DSCAM: variants seen among roughly 807,000 people sequenced by gnomAD.
DSCAM encodes cell adhesion molecule DSCAM.
Under a neutral mutation model 217.7 loss-of-function variants are expected in DSCAM, and 47 were observed. The ratio of observed to expected loss-of-function variants is 0.22; its 90% confidence interval spans 0.17 to 0.28. The LOEUF (loss-of-function observed/expected upper bound fraction) is 0.28, where lower values mean the gene tolerates loss of function less well. Ranked by LOEUF, DSCAM falls within the 10% of genes least tolerant of loss-of-function variation. The pLI is 1.00. For synonymous variants in DSCAM, 1,056 were observed against 1,015.3 expected, an observed-to-expected ratio of 1.04 and a Z score of -0.76; for missense variants, 2,080 against 2,618.3, an observed-to-expected ratio of 0.79 and a Z score of 4.49.
intron 4 of DSCAM, among the ~76,000 whole-genome samples, chr21:40,368,400 T>A (rs144819346): frequency 1.3e-5 from 2 of 152,218 alleles, no homozygotes; most frequent in African/African-American, 2.4e-5. Flanking sequence ...AAAGAACAGA[T>A]AAAGAAACAA....
Position 40,657,324 on chromosome 21 carries a change from A to G in DSCAM, c.508+35486T>C, listed in dbSNP as rs117952049. On this transcript the variant is annotated intron_variant, in intron 3 of 32. Transcript: ENST00000400454. ...TTACTTTTGAGCTGACACAAGGAAT[A>G]TATCAATAATTAGCCCTTAAGATGC... 9.2e-4 allele frequency among the ~76,000 whole-genome samples: 140 copies of G among 152,320 alleles called. 1 individual carries two copies. The East Asian group carries it at 0.025, about 27-fold the overall frequency.
Position 40,142,691 on chromosome 21 carries a change from G to A in DSCAM, c.3273C>T (p.Pro1091=). ...TTTLEDVPSY[P]PENVQAIATS... ...TTGCTATGGCTTGGACATTTTCGGG[G>A]GGGTAACTGGGCACTGAAATCAAAT... Residue 1091 remains proline (P), a synonymous_variant, in exon 18 of 33, where the codon CCC becomes CCT. Coordinates refer to ENST00000400454, the MANE Select transcript of DSCAM (RefSeq NM_001389.5). 3 of 1,613,870 alleles carry A rather than the reference G, an allele frequency of 1.9e-6. No individual in the cohort carries two copies. Among genetic ancestry groups the A allele is most frequent in the Non-Finnish European group, 2.5e-6 (3 of 1,179,890 alleles).
intron 3 of DSCAM, among the ~76,000 whole-genome samples, chr21:40,398,007 C>T (rs752944688): frequency 1.3e-5 from 2 of 152,126 alleles, no homozygotes; most frequent in Non-Finnish European, 2.9e-5. Flanking sequence ...CGGAGCATTA[C>T]TCCTTGTCAA....
intron 1 of DSCAM, among the ~76,000 whole-genome samples, chr21:40,781,731 G>A (rs1444178043): frequency 6.6e-6 from 1 of 151,916 alleles, no homozygotes; most frequent in East Asian, 1.9e-4. Flanking sequence ...CCCCAACCCA[G>A]GCCATTATTG....
intron 3 of DSCAM, among the ~76,000 whole-genome samples, chr21:40,605,917 C>G (rs1189336475): frequency 6.7e-6 from 1 of 149,528 alleles, no homozygotes; most frequent in Non-Finnish European, 1.5e-5. Context: ...TCTTCTGCCT[C>G]AGCCTCCCGA....
At chr21:40,279,880 C>G (rs1030881034) in intron 10 of DSCAM, among the ~76,000 whole-genome samples, 1 of 152,038 alleles carries the variant, frequency 6.6e-6, no homozygotes, top group Non-Finnish European at 1.5e-5. Flanking sequence ...CCAAACACCT[C>G]ATGTTCTCAC....
At chr21:40,283,483 C>G (rs911752831) in intron 10 of DSCAM, among the ~76,000 whole-genome samples, 1 of 152,170 alleles carries the variant, frequency 6.6e-6, no homozygotes, top group Non-Finnish European at 1.5e-5. Context: ...GCTGTGTTCA[C>G]AGGGACTGAG....
chr21:40,441,894 C>T (rs77202886), intron 3 of DSCAM, among the ~76,000 whole-genome samples: 3,059 of 152,300 alleles, frequency 0.02, 99 homozygotes, highest in African/African-American at 0.069. Context: ...CCTCCTCATG[C>T]TTCTATTCTT....
chr21:40,159,280 T>G (rs2837465), intron 16 of DSCAM, among the ~76,000 whole-genome samples: 26,492 of 152,202 alleles, frequency 0.17, 2,536 homozygotes, highest in Middle Eastern at 0.28. Context: ...GTGCCCTGTT[T>G]ACTAACTTAT....
intron 4 of DSCAM, 62 bp downstream of exon 4, chr21:40,369,037 C>T (rs915702660): frequency 1.3e-5 from 19 of 1,443,478 alleles, no homozygotes; most frequent in African/African-American, 4.3e-5. Flanking sequence ...TTGATTGAGT[C>T]GTCTCAGGAC....
intron 22 of DSCAM, among the ~76,000 whole-genome samples, 189 bp downstream of exon 22, chr21:40,086,981 A>G (rs1294741344): frequency 2.0e-5 from 3 of 152,222 alleles, no homozygotes; most frequent in African/African-American, 7.2e-5. Flanking sequence ...TTGATACAAT[A>G]AATCAGACCC....
chr21:40,279,828 T>C (rs1174720372), intron 10 of DSCAM, among the ~76,000 whole-genome samples: 1 of 152,058 alleles, frequency 6.6e-6, no homozygotes, highest in Non-Finnish European at 1.5e-5. Flanking sequence ...TGGATGAAAC[T>C]GGAAATCATC....
At chr21:40,452,215 A>G (rs1470933451) in intron 3 of DSCAM, among the ~76,000 whole-genome samples, 1 of 143,466 alleles carries the variant, frequency 7.0e-6, no homozygotes, top group Non-Finnish European at 1.5e-5. Flanking sequence ...AATAGTATAT[A>G]CATACTATGT....
chr21:40,196,832 A>G (rs541218590), intron 11 of DSCAM, among the ~76,000 whole-genome samples: 2 of 152,312 alleles, frequency 1.3e-5, no homozygotes. Flanking sequence ...ATACGACATG[A>G]TGGAATAAAA....
At chr21:40,317,094 G>T (rs1173355424) in intron 8 of DSCAM, among the ~76,000 whole-genome samples, 2 of 152,196 alleles carry the variant, frequency 1.3e-5, no homozygotes, top group Non-Finnish European at 2.9e-5. Flanking sequence ...ACAGCAAGTA[G>T]CTCTTCTGCG....
intron 4 of DSCAM, among the ~76,000 whole-genome samples, chr21:40,363,602 A>G (rs1056426711): frequency 5.9e-5 from 9 of 152,144 alleles, no homozygotes; most frequent in African/African-American, 2.2e-4. Flanking sequence ...GATTTTATGC[A>G]TTTTTTAAAA....
At chr21:40,757,314 C>A (rs1439477772) in intron 1 of DSCAM, among the ~76,000 whole-genome samples, 1 of 152,190 alleles carries the variant, frequency 6.6e-6, no homozygotes, top group African/African-American at 2.4e-5. Flanking sequence ...CGTAAGCCAT[C>A]GTGCCCAGCC....
At position 40,527,089 on chromosome 21, in the gene DSCAM, G is replaced by T. The variant is rs557867980; in HGVS notation, c.509-157844C>A. Among the ~76,000 whole-genome samples the T allele has an allele frequency of 2.6e-5, 4 of 152,220 alleles. No homozygotes were observed. The South Asian group carries it at 8.3e-4, about 32-fold the overall frequency. On this transcript the variant is annotated intron_variant, in intron 3 of 32. Transcript: ENST00000400454. ...TGTGTCTCTTTAGGGCATTTGCTCT[G>T]TTAAGCTCCATTTTTCTCTGACCTT...
intron 8 of DSCAM, among the ~76,000 whole-genome samples, chr21:40,330,568 A>T (rs1296121648): frequency 6.6e-6 from 1 of 151,930 alleles, no homozygotes; most frequent in Non-Finnish European, 1.5e-5. Context: ...GAATAGAGGA[A>T]TTTTAAGTCA....
Sources: gnomAD v4.1 joint callset for allele counts (sites outside exome capture counted in the v4.1 genomes callset) on GRCh38, gnomAD v4.1.1 for gene constraint, MANE v1.5 for transcripts, NCBI Gene and HGNC (gene_info 2026-07-23, HGNC 2026-07-21) for gene names.